ANK3: variants seen among roughly 807,000 people sequenced by gnomAD.
ANK3 encodes ankyrin-3.
A neutral mutation model predicts 370.9 loss-of-function variants in ANK3; 57 were observed. The ratio of observed to expected loss-of-function variants is 0.15; its 90% CI spans 0.12 to 0.19. The LOEUF (loss-of-function observed/expected upper bound fraction) is 0.19, where lower values mean the gene tolerates loss of function less well. ANK3 is among the 10% of genes least tolerant of loss of function. The pLI, the probability that ANK3 is intolerant of heterozygous loss-of-function variation, is 1.00. For synonymous variants in ANK3, 1,929 were observed against 1,946.3 expected (o/e 0.99, Z 0.23); for missense variants, 4,439 against 5,302.1 (o/e 0.84, Z 5.06).
intron 1 of ANK3, among the ~76,000 whole-genome samples, chr10:60,295,806 T>TAATTTAAAATA (rs2042374992): frequency 6.6e-6 from 1 of 152,244 alleles, no homozygotes; most frequent in East Asian, 1.9e-4. Context: ...GCAATCTTGT[T>TAATTTAAAATA]ACATGCTAAC....
At chr10:60,532,468 A>C (rs943007974) in intron 2 of ANK3, among the ~76,000 whole-genome samples, 1 of 150,566 alleles carries the variant, frequency 6.6e-6, no homozygotes, top group Non-Finnish European at 1.5e-5. Flanking sequence ...TTAGAGTCCC[A>C]GGATCAAGTT....
At chr10:60,446,116 G>C (rs2064438760) in intron 2 of ANK3, among the ~76,000 whole-genome samples, 1 of 152,056 alleles carries the variant, frequency 6.6e-6, no homozygotes, top group African/African-American at 2.4e-5. Flanking sequence ...TTGATGCCGG[G>C]GTACTTTTGA....
chr10:60,472,277 C>T (rs2065238423), intron 2 of ANK3, among the ~76,000 whole-genome samples: 1 of 152,060 alleles, frequency 6.6e-6, no homozygotes, highest in Non-Finnish European at 1.5e-5. Context: ...ATCAATAGTC[C>T]TCATGCTATT....
At chr10:60,537,330 G>A (rs2076746816) in intron 2 of ANK3, among the ~76,000 whole-genome samples, 2 of 151,982 alleles carry the variant, frequency 1.3e-5, no homozygotes, top group South Asian at 4.1e-4. Context: ...TTAATGTGAT[G>A]CATACCTAGT....
chr10:60,653,011 G>A (rs530663478), intron 1 of ANK3, among the ~76,000 whole-genome samples: 70 of 151,992 alleles, frequency 4.6e-4, no homozygotes, highest in African/African-American at 1.5e-3. Context: ...TCTTTTCTTC[G>A]GTTGTCTTGT....
At chr10:60,078,815 A>C (rs2084413559) in intron 36 of ANK3, among the ~76,000 whole-genome samples, 1 of 152,152 alleles carries the variant, frequency 6.6e-6, no homozygotes, top group African/African-American at 2.4e-5. Flanking sequence ...ATTCCTATTC[A>C]TTCCCTTGTT....
chr10:60,064,150 G>A lies in ANK3; in HGVS notation c.12451+7C>T, dbSNP rs752067871. The A allele has an allele frequency of 1.1e-5, 17 of 1,540,912 alleles. No homozygotes were observed. Among genetic ancestry groups the A allele is most frequent in the East Asian group, 4.8e-5 (2 of 41,924 alleles). On this transcript the variant is annotated splice_region_variant and intron_variant, in intron 39 of 43. Transcript: ENST00000280772. Reference sequence around the variant, plus strand: ...TTGAAAGTTAAAATAATATAATTTCGGCATACTTGTGGCATTTTTTCCGTC... The same window carrying A: ...TTGAAAGTTAAAATAATATAATTTCAGCATACTTGTGGCATTTTTTCCGTC...
intron 1 of ANK3, among the ~76,000 whole-genome samples, chr10:60,364,064 CG>C (rs1246048547): frequency 2.0e-5 from 3 of 147,806 alleles, no homozygotes; most frequent in Non-Finnish European, 4.4e-5. Flanking sequence ...GAGGCTGAGG[CG>C]GGCAGATCAC....
At chr10:60,427,990 A>C (rs1184024352) in intron 2 of ANK3, among the ~76,000 whole-genome samples, 1 of 152,164 alleles carries the variant, frequency 6.6e-6, no homozygotes, top group Non-Finnish European at 1.5e-5. Context: ...GCTGGCATGC[A>C]CTTTAGAAGG....
intron 2 of ANK3, among the ~76,000 whole-genome samples, chr10:60,614,007 G>A (rs2078235529): frequency 6.6e-6 from 1 of 152,144 alleles, no homozygotes; most frequent in Non-Finnish European, 1.5e-5. Context: ...CCGGGAGGCA[G>A]ATGTTGCAGT....
chr10:60,570,219 G>A (rs1179509816), intron 2 of ANK3, among the ~76,000 whole-genome samples: 1 of 152,160 alleles, frequency 6.6e-6, no homozygotes, highest in East Asian at 1.9e-4. Flanking sequence ...TGCATACAAG[G>A]CAGCATGCTG....
intron 26 of ANK3, chr10:60,111,815 T>C (rs1454650482): frequency 2.2e-6 from 1 of 448,332 alleles, no homozygotes; most frequent in Non-Finnish European, 4.5e-6. Flanking sequence ...GTAATATAAT[T>C]AGAAGCAAGC....
intron 8 of ANK3, among the ~76,000 whole-genome samples, chr10:60,214,446 A>G (rs1314771471): frequency 6.6e-6 from 1 of 152,146 alleles, no homozygotes; most frequent in Admixed American, 6.6e-5. Flanking sequence ...GGTTTGTTAC[A>G]CAGGTACATG....
Position 60,134,387 on chromosome 10 carries a change from A to C in ANK3, c.2739-14T>G. 1 of 1,601,052 alleles carries C rather than the reference A, an allele frequency of 6.2e-7. No homozygotes were observed. The highest frequency in any genetic ancestry group is 8.5e-7 in the Non-Finnish European group (1 of 1,173,040). ...AAGGAGCGGAGGCTGTTGTATTTAC[A>C]GTTAACCATTCAACAGTGGTAGATG... is the stretch of plus-strand genomic sequence containing the variant. On this transcript the variant is annotated splice_polypyrimidine_tract_variant and intron_variant, in intron 24 of 43. Transcript: ENST00000280772.
chr10:60,716,445 T>C (rs2079789515), intron 1 of ANK3, among the ~76,000 whole-genome samples: 1 of 152,052 alleles, frequency 6.6e-6, no homozygotes, highest in East Asian at 1.9e-4. Context: ...GTCAAGAAAA[T>C]AAATCTCAAT....
At chr10:60,404,204 ACAC>A (rs2063407479) in intron 2 of ANK3, among the ~76,000 whole-genome samples, 1 of 85,106 alleles carries the variant, frequency 1.2e-5, no homozygotes, top group Non-Finnish European at 2.6e-5. Context: ...TCCAATCATA[ACAC>A]CACAAGTTTT....
intron 28 of ANK3, among the ~76,000 whole-genome samples, chr10:60,091,310 A>G (rs949642418): frequency 3.3e-5 from 5 of 152,254 alleles, no homozygotes; most frequent in African/African-American, 7.2e-5. Context: ...TCCTGCAGTT[A>G]GTAAACAGAA....
chr10:60,095,168 A>G (rs2089841759), intron 28 of ANK3, among the ~76,000 whole-genome samples: 1 of 152,254 alleles, frequency 6.6e-6, no homozygotes, highest in Non-Finnish European at 1.5e-5. Context: ...CTTTTCATAA[A>G]GAGCAAGGTA....
intron 21 of ANK3, among the ~76,000 whole-genome samples, chr10:60,168,054 C>T (rs188758721): frequency 1.6e-4 from 25 of 152,280 alleles, no homozygotes; most frequent in African/African-American, 5.8e-4. Flanking sequence ...GAGACCAAGT[C>T]TCGCTCTGTT....
Sources: gnomAD v4.1 joint callset for allele counts (sites outside exome capture counted in the v4.1 genomes callset) on GRCh38, gnomAD v4.1.1 for gene constraint, MANE v1.5 for transcripts, NCBI Gene and HGNC (gene_info 2026-07-23, HGNC 2026-07-21) for gene names.